MAP7D3: variants seen among roughly 807,000 people sequenced by gnomAD.
The protein encoded by MAP7D3 is MAP7 domain-containing protein 3.
MAP7D3 carries 45 observed loss-of-function variants against 62.2 expected under a neutral mutation model. The ratio of observed to expected loss-of-function variants is 0.72; its 90% CI spans 0.57 to 0.93. The LOEUF (loss-of-function observed/expected upper bound fraction) is 0.93, where lower values mean the gene tolerates loss of function less well. Ranked by LOEUF, MAP7D3 falls within the 40% of genes least tolerant of loss-of-function variation. The pLI is 0.00. For synonymous variants in MAP7D3, 288 were observed against 248.8 expected (o/e 1.16, Z -1.48); for missense variants, 711 against 683.1 (o/e 1.04, Z -0.45).
Position 136,225,975 on chromosome X carries a change from G to A in MAP7D3, c.2073C>T (p.Asp691=). ...TTCTCTCGTGTTCTTTCTTGCGTTT[G>A]TCAGCTTCCTCTTGAGCTTTTATTT... ...DAKIKAQEEA[D]KRKKEHERIM... The change falls in exon 13 of 19, where the codon GAC becomes GAT. Residue 691 remains aspartate (D), a synonymous_variant. Transcript: ENST00000316077. 2 of 1,203,485 alleles carry A rather than the reference G, an allele frequency of 1.7e-6. No individual in the cohort carries two copies. The highest frequency in any genetic ancestry group is 2.2e-6 in the Non-Finnish European group (2 of 891,024).
chrX:136,222,181 T>C (rs2074137408), intron 15 of MAP7D3, among the ~76,000 whole-genome samples: 1 of 112,069 alleles, frequency 8.9e-6, no homozygotes, highest in Admixed American at 9.5e-5. Flanking sequence ...TTATTGAGAG[T>C]TTATGTGTGA....
At chrX:136,238,077 A>T (rs1332558022) in intron 6 of MAP7D3, among the ~76,000 whole-genome samples, 4 of 111,885 alleles carry the variant, frequency 3.6e-5, no homozygotes, top group Non-Finnish European at 7.5e-5. Context: ...ATGGCTGCAT[A>T]GTATTCCATG....
At chrX:136,249,771 T>G (rs186381139) in intron 1 of MAP7D3, among the ~76,000 whole-genome samples, 4 of 112,046 alleles carry the variant, frequency 3.6e-5, no homozygotes, top group Admixed American at 1.9e-4. Context: ...TCTGGTCAAG[T>G]TGGTGCTCTG....
chrX:136,220,898 T>C lies in MAP7D3; in HGVS notation c.2353A>G (p.Thr785Ala), dbSNP rs1485215295. 2.4e-5 allele frequency: 29 copies of C among 1,207,204 alleles called. No individual in the cohort carries two copies. Among genetic ancestry groups the C allele is most frequent in the Non-Finnish European group, 3.1e-5 (28 of 892,339 alleles). ...KMPFNNAKKMTHKLVFLEDGT... is the reference protein window; with the variant it reads ...KMPFNNAKKMAHKLVFLEDGT... ...TCTTCTAGAAATACCAGCTTGTGTG[T>C]CATTTTCTTGGCATTGTTGAACGGC... Residue 785 changes from threonine to alanine, a missense_variant, in exon 16 of 19, where the codon ACA becomes GCA. By Grantham distance (58) the Thr-to-Ala change is moderately conservative. Coordinates refer to ENST00000316077, the MANE Select transcript of MAP7D3 (RefSeq NM_024597.4).
At position 136,251,326 on chromosome X, in the gene MAP7D3, G is replaced by C. The variant is rs2074507357; in HGVS notation, c.33C>G (p.Gly11=). The change falls in exon 1 of 19, where the codon GGC becomes GGG. Residue 11 remains glycine, a synonymous_variant. Transcript: ENST00000316077. MMADGAAAGA[G]GSPSLRELRA... The stretch of plus-strand genomic sequence containing the variant: ...GCAGCTCTCTCAAGGATGGGCTGCC[G>C]CCAGCGCCAGCTGCGGCGCCGTCCG... 1.8e-6 allele frequency: 2 copies of C among 1,128,795 alleles called. No homozygotes were observed. The highest frequency in any genetic ancestry group is 3.6e-5 in the East Asian group (1 of 27,519). The allele number at this position is 1,128,795 out of a possible 1,213,427, so 93.0% of individuals were successfully genotyped here.
At position 136,224,872 on chromosome X, in the gene MAP7D3, T is replaced by C; in HGVS notation, c.2148A>G (p.Glu716=). 8.7e-7 allele frequency: 1 copy of C among 1,147,868 alleles called. No homozygotes were observed. The highest frequency in any genetic ancestry group is 1.8e-5 in the South Asian group (1 of 55,204). 94.6% of individuals were successfully genotyped at this position (1,147,868 alleles called of 1,213,427 possible). ...TCTTTCTTGTCCGCTTCATAATTTC[T>C]TCTATTCTCTATTTAAAGGAAAATA... ...QERLERKKRI[E]EIMKRTRKTD... The change falls in exon 14 of 19, where the codon GAA becomes GAG. Residue 716 remains glutamate (E), a synonymous_variant. Coordinates refer to ENST00000316077, the MANE Select transcript of MAP7D3 (RefSeq NM_024597.4).
At chrX:136,222,135 A>G (rs1006908886) in intron 15 of MAP7D3, among the ~76,000 whole-genome samples, 11 of 112,503 alleles carry the variant, frequency 9.8e-5, no homozygotes, top group African/African-American at 3.6e-4. Context: ...GTCCATTAGC[A>G]TGGTCTTTAA....
At chrX:136,224,687 G>T in intron 14 of MAP7D3, 140 bp downstream of exon 14, 1 of 413,441 alleles carries the variant, frequency 2.4e-6, no homozygotes, top group Admixed American at 4.9e-5. Flanking sequence ...ATGAAAACAT[G>T]GTCAACCTTG....
upstream of MAP7D3, among the ~76,000 whole-genome samples, chrX:136,254,336 T>C (rs1360986074): frequency 5.4e-5 from 6 of 110,783 alleles, no homozygotes; most frequent in Non-Finnish European, 1.1e-4. Flanking sequence ...TCACCCTCCT[T>C]GGCATCCCAG....
chrX:136,224,011 C>G (rs1001948349), intron 14 of MAP7D3, among the ~76,000 whole-genome samples: 2 of 96,757 alleles, frequency 2.1e-5, no homozygotes, highest in African/African-American at 7.6e-5. Flanking sequence ...ATGATTGCGC[C>G]ACTGTGTTCC....
At chrX:136,247,688 T>C (rs1450773089) in intron 1 of MAP7D3, among the ~76,000 whole-genome samples, 3 of 109,971 alleles carry the variant, frequency 2.7e-5, no homozygotes, top group African/African-American at 1.0e-4. Flanking sequence ...TCCTTAATAA[T>C]TTAAGTACTG....
At chrX:136,224,481 CA>C (rs368465251) in intron 14 of MAP7D3, among the ~76,000 whole-genome samples, 225 of 66,194 alleles carry the variant, frequency 3.4e-3, no homozygotes, top group South Asian at 0.028. Flanking sequence ...ACATTGTATA[CA>C]AAAAAAAAAA....
rs183010913 is a variant in MAP7D3 at position 136,249,944 on chromosome X, C to A, written c.70+1345G>T. Reference sequence around the variant, plus strand: ...CCCATATATAATTTTAAAACACTTTCCAACATCTGATATACAAATGCTTTT... The same window carrying A: ...CCCATATATAATTTTAAAACACTTTACAACATCTGATATACAAATGCTTTT... On this transcript the variant is annotated intron_variant, in intron 1 of 18. Coordinates refer to ENST00000316077, the MANE Select transcript of MAP7D3 (RefSeq NM_024597.4). 5.4e-4 allele frequency among the ~76,000 whole-genome samples: 61 copies of A among 112,456 alleles called. 1 individual carries two copies. The East Asian group carries it at 0.012, about 22-fold the overall frequency.
At chrX:136,234,244 G>C (rs1039972022) in intron 7 of MAP7D3, among the ~76,000 whole-genome samples, 15 of 109,784 alleles carry the variant, frequency 1.4e-4, no homozygotes, top group African/African-American at 3.6e-4. Context: ...TGGGTGGGGG[G>C]GGTGGTCTTG....
intron 7 of MAP7D3, among the ~76,000 whole-genome samples, chrX:136,234,021 C>T (rs1016812): frequency 0.48 from 51,982 of 109,397 alleles, 9,394 homozygotes; most frequent in East Asian, 0.7. Flanking sequence ...CTGACATACA[C>T]ATAATTGGGC....
At chrX:136,245,050 C>T (rs186725333) in intron 3 of MAP7D3, among the ~76,000 whole-genome samples, 29 of 112,388 alleles carry the variant, frequency 2.6e-4, no homozygotes, top group African/African-American at 8.4e-4. Flanking sequence ...GTCCAAACTA[C>T]AATTCCAAAT....
At chrX:136,221,077 A>C in intron 15 of MAP7D3, 114 bp from the exon 16 acceptor site, 3 of 560,905 alleles carry the variant, frequency 5.3e-6, no homozygotes, top group Non-Finnish European at 9.0e-6. Context: ...TGAAGGCAGG[A>C]AGAGTCAAGC....
chrX:136,251,499 G>T (rs1603285122), upstream of MAP7D3: 6 of 830,637 alleles, frequency 7.2e-6, no homozygotes, highest in Non-Finnish European at 8.8e-6. Flanking sequence ...GGGCCACCGC[G>T]CCCGCCTCGG....
At position 136,240,420 on chromosome X, in the gene MAP7D3, G is replaced by C. The variant is rs1266806863; in HGVS notation, c.602C>G (p.Pro201Arg). ...ATTTTGAAGGCCTGCAGATGACAAA[G>C]GCATTTGTCTGATTAAAGCAGAAGT... is the stretch of plus-strand genomic sequence containing the variant. ...QGTSALIRQMPLSSAGLQNSV... is the reference protein window; with the variant it reads ...QGTSALIRQMRLSSAGLQNSV... Residue 201 changes from proline to arginine, a missense_variant, in exon 6 of 19, where the codon CCT (proline) becomes CGT (arginine). Coordinates refer to ENST00000316077, the MANE Select transcript of MAP7D3 (RefSeq NM_024597.4). 3 of 1,203,910 alleles carry C rather than the reference G, an allele frequency of 2.5e-6. No individual in the cohort carries two copies.
Sources: gnomAD v4.1 joint callset for allele counts (sites outside exome capture counted in the v4.1 genomes callset) on GRCh38, gnomAD v4.1.1 for gene constraint, MANE v1.5 for transcripts, NCBI Gene and HGNC (gene_info 2026-07-23, HGNC 2026-07-21) for gene names.